SMYD2: variants seen among roughly 807,000 people sequenced by gnomAD.
The protein encoded by SMYD2 is N-lysine methyltransferase SMYD2.
A neutral mutation model predicts 59.1 loss-of-function variants in SMYD2; 53 were observed. That is an observed-to-expected ratio of 0.90 (90% CI 0.72 to 1.13). The LOEUF is 1.13. Ranked by LOEUF, SMYD2 falls within the 50% of genes most tolerant of loss-of-function variation. The pLI is 0.00. For missense variants in SMYD2, 494 were observed against 544.7 expected, an observed-to-expected ratio of 0.91 and a Z score of 0.93; for synonymous variants, 208 against 198.8, an observed-to-expected ratio of 1.05 and a Z score of -0.39.
chr1:214,319,109 G>A, intron 5 of SMYD2, 126 bp downstream of exon 5: 3 of 1,264,564 alleles, frequency 2.4e-6, no homozygotes, highest in East Asian at 2.4e-5. Flanking sequence ...ACGAAGCTCT[G>A]AGCCAATTGG....
chr1:214,327,809 C>A, intron 7 of SMYD2, 85 bp downstream of exon 7: 1 of 1,171,226 alleles, frequency 8.5e-7, no homozygotes, highest in Non-Finnish European at 1.3e-6. Context: ...TGCAGTGTCA[C>A]TTGACAGTAT....
At chr1:214,281,740 A>G (rs1042470676) in intron 1 of SMYD2, among the ~76,000 whole-genome samples, 51 of 152,350 alleles carry the variant, frequency 3.3e-4, no homozygotes, top group African/African-American at 1.2e-3. Flanking sequence ...GCTCCGAGCC[A>G]GGCTTGTTCC....
At chr1:214,288,024 G>A (rs1039314273) in intron 1 of SMYD2, among the ~76,000 whole-genome samples, 1 of 152,188 alleles carries the variant, frequency 6.6e-6, no homozygotes, top group South Asian at 2.1e-4. Flanking sequence ...CAGTGACCAA[G>A]CTGCACGTTT....
chr1:214,331,229 A>G (rs997228229), intron 9 of SMYD2, 159 bp downstream of exon 9: 2 of 1,016,688 alleles, frequency 2.0e-6, no homozygotes. Context: ...ACCACCCACA[A>G]TGTGGTGTCC....
In SMYD2 at chr1:214,281,350, G is replaced by A; in HGVS notation, c.96G>A (p.Leu32=). The A allele has an allele frequency of 6.9e-7, 1 of 1,451,808 alleles. No individual in the cohort carries two copies. The highest frequency in any genetic ancestry group is 1.5e-5 in the South Asian group (1 of 66,352). 89.9% of individuals were successfully genotyped at this position (1,451,808 alleles called of 1,614,324 possible). Residue 32 remains leucine, a synonymous_variant, in exon 1 of 12, where the codon TTG becomes TTA. Transcript: ENST00000366957. ...RALQPFQVGD[L]LFSCPAYAYV... ...TGCAGCCCTTCCAGGTGGGGGACTTGCTGTTCTCCTGCCCGGCCTATGCCT... is the reference window on the plus strand; with the variant it reads ...TGCAGCCCTTCCAGGTGGGGGACTTACTGTTCTCCTGCCCGGCCTATGCCT...
At position 214,312,729 on chromosome 1, in the gene SMYD2, T is replaced by G. The variant is rs578065688; in HGVS notation, c.238-2033T>G. ...TGCAGTGAGGCAGGTGAGAGTACGG[T>G]GGGGGATGATGGGCTGGGGTGGTGC... is the stretch of plus-strand genomic sequence containing the variant. On this transcript the variant is annotated intron_variant, in intron 2 of 11. Coordinates refer to ENST00000366957, the MANE Select transcript of SMYD2 (RefSeq NM_020197.3). This position sits in a 1 kb window ranked among gnomAD's most constrained non-coding sequence, Gnocchi z 4.1. 1.1e-4 allele frequency among the ~76,000 whole-genome samples: 16 copies of G among 152,016 alleles called. No homozygotes were observed. Among genetic ancestry groups the G allele is most frequent in the Admixed American group, 1.0e-3 (16 of 15,268 alleles).
intron 2 of SMYD2, among the ~76,000 whole-genome samples, chr1:214,313,309 G>A (rs987265925): frequency 6.6e-6 from 1 of 151,942 alleles, no homozygotes; most frequent in African/African-American, 2.4e-5. Context: ...TAGAGATGGG[G>A]TTTTATCACG....
chr1:214,336,489 A>G (rs1657440565), intron 11 of SMYD2, among the ~76,000 whole-genome samples: 1 of 152,158 alleles, frequency 6.6e-6, no homozygotes, highest in South Asian at 2.1e-4. Context: ...CGGAGATCGC[A>G]CCACTGCACT....
chr1:214,325,192 C>T (rs1176120500), intron 6 of SMYD2, among the ~76,000 whole-genome samples: 3 of 152,210 alleles, frequency 2.0e-5, no homozygotes, highest in Non-Finnish European at 2.9e-5. Context: ...AGTAGTGGGC[C>T]GGATAAAAAT....
At chr1:214,317,484 C>T (rs1459875311) in intron 3 of SMYD2, among the ~76,000 whole-genome samples, 2 of 152,234 alleles carry the variant, frequency 1.3e-5, no homozygotes, top group African/African-American at 4.8e-5. Context: ...GGGCCAGCTC[C>T]TGAGCTCTGC....
intron 1 of SMYD2, among the ~76,000 whole-genome samples, chr1:214,284,677 G>A (rs927602714): frequency 4.0e-5 from 6 of 150,578 alleles, no homozygotes; most frequent in Non-Finnish European, 8.9e-5. Context: ...AGTGATTTCC[G>A]ACTAATTTTT....
At chr1:214,325,092 G>C (rs1657240307) in intron 6 of SMYD2, among the ~76,000 whole-genome samples, 1 of 152,210 alleles carries the variant, frequency 6.6e-6, no homozygotes, top group African/African-American at 2.4e-5. Context: ...CCACAAGCTT[G>C]AGTACAGACT....
At chr1:214,319,073 A>G (rs1558055284) in intron 5 of SMYD2, 90 bp downstream of exon 5, 3 of 1,475,452 alleles carry the variant, frequency 2.0e-6, no homozygotes, top group South Asian at 2.5e-5. Flanking sequence ...GATGAATGCA[A>G]ATAGAATGAT....
chr1:214,304,572 A>G (rs926481920), intron 1 of SMYD2, among the ~76,000 whole-genome samples: 2 of 151,342 alleles, frequency 1.3e-5, no homozygotes, highest in South Asian at 2.1e-4. Flanking sequence ...AAAAAAAAAA[A>G]AAAAAAAAAA....
rs1459261211 is a variant in SMYD2 at position 214,281,208 on chromosome 1, G to C, written c.-47G>C. 9 of 1,210,824 alleles carry C rather than the reference G, an allele frequency of 7.4e-6. No homozygotes were observed. The highest frequency in any genetic ancestry group is 8.2e-6 in the Non-Finnish European group (8 of 969,924). 75.0% of individuals were successfully genotyped at this position (1,210,824 alleles called of 1,614,324 possible). ...GACGCGTCTCCAATAACAGCTCGCCGGGAGCCGCAGCTCGGGCACAGCCGG... is the reference window on the plus strand; with the variant it reads ...GACGCGTCTCCAATAACAGCTCGCCCGGAGCCGCAGCTCGGGCACAGCCGG... On this transcript the variant is annotated 5_prime_UTR_variant, in exon 1 of 12. Transcript: ENST00000366957.
intron 11 of SMYD2, among the ~76,000 whole-genome samples, chr1:214,336,058 C>T (rs1182775118): frequency 2.0e-5 from 3 of 152,018 alleles, no homozygotes; most frequent in African/African-American, 4.8e-5. Context: ...CTGGGTTGAA[C>T]ATAATCAAAA....
intron 6 of SMYD2, among the ~76,000 whole-genome samples, chr1:214,325,313 C>T (rs1657243312): frequency 6.6e-6 from 1 of 152,194 alleles, no homozygotes; most frequent in Non-Finnish European, 1.5e-5. Context: ...AATGGATTGC[C>T]AAGAATGATT....
chr1:214,336,448 C>T (rs997344656), intron 11 of SMYD2, among the ~76,000 whole-genome samples: 2 of 152,188 alleles, frequency 1.3e-5, no homozygotes, highest in Non-Finnish European at 2.9e-5. Flanking sequence ...AGGAGAATGG[C>T]GTGAACCCGG....
At chr1:214,308,668 C>G (rs1656952267) in intron 2 of SMYD2, among the ~76,000 whole-genome samples, 2 of 152,158 alleles carry the variant, frequency 1.3e-5, no homozygotes, top group African/African-American at 4.8e-5. Flanking sequence ...CCCTACCCCC[C>G]TGGAGTCATC....
Sources: gnomAD v4.1 joint callset for allele counts (sites outside exome capture counted in the v4.1 genomes callset) on GRCh38, gnomAD v4.1.1 for gene constraint, Gnocchi (gnomAD v3.1) non-coding constraint, MANE v1.5 for transcripts, NCBI Gene and HGNC (gene_info 2026-07-23, HGNC 2026-07-21) for gene names.